MGAM2: variants seen among roughly 807,000 people sequenced by gnomAD.
MGAM2 encodes probable maltase-glucoamylase 2.
MGAM2 carries 98 observed loss-of-function variants against 96.1 expected under a neutral mutation model. That is an observed-to-expected ratio of 1.02 (90% CI 0.87 to 1.21). MGAM2 has a LOEUF of 1.21. Among genes scored for constraint, MGAM2 ranks in the 50% most tolerant of loss-of-function variants. The pLI is 0.00. For synonymous variants in MGAM2, 749 were observed against 414.8 expected, an observed-to-expected ratio of 1.81 and a Z score of -9.79; for missense variants, 2,055 against 1,182.4, an observed-to-expected ratio of 1.74 and a Z score of -10.82.
chr7:142,193,627 G>A (rs1366892136), intron 37 of MGAM2, among the ~76,000 whole-genome samples: 1 of 152,152 alleles, frequency 6.6e-6, no homozygotes, highest in Non-Finnish European at 1.5e-5. Flanking sequence ...GTGTGCTTTT[G>A]CTAGTTTCTC....
chr7:142,162,240 T>C (rs1330259970), intron 23 of MGAM2, among the ~76,000 whole-genome samples: 1 of 152,054 alleles, frequency 6.6e-6, no homozygotes, highest in Admixed American at 6.6e-5. Context: ...AAAAAAACAT[T>C]ACCTTTGAGT....
At position 142,134,149 on chromosome 7, in the gene MGAM2, C is replaced by T. The variant is rs1305785718; in HGVS notation, c.744C>T (p.Thr248=). ...TCTTCACCCGGGACGCTACCCCCAC[C>T]GAGGTGAGGTGGCTTTCCTCCTGAG... The part of the protein sequence containing the change: ...WPIFTRDATP[T]EGMINLYGAH... Residue 248 remains threonine (T), a synonymous_variant, in exon 7 of 48, where the codon ACC becomes ACT. Transcript: ENST00000477922. 1.2e-5 allele frequency: 9 copies of T among 740,962 alleles called. No homozygotes were observed. The highest frequency in any genetic ancestry group is 2.5e-5 in the East Asian group (1 of 40,122). The allele number at this position is 740,962 out of a possible 1,614,324, so 45.9% of individuals were successfully genotyped here. A position where few individuals can be genotyped will look rare whatever the true frequency, so the allele number is the denominator to read the frequency against.
rs971804741 is a variant in MGAM2, at chr7:142,222,088, A to G, written c.*29A>G. On this transcript the variant is annotated 3_prime_UTR_variant, in exon 48 of 48. Transcript: ENST00000477922. ...CTACTCAAGGCAGGATAGTTACCTC[A>G]GATAACGCCTACAAACAACTATTAC... The G allele has an allele frequency of 7.5e-6, 3 of 397,966 alleles. No homozygotes were observed. The highest frequency in any genetic ancestry group is 1.3e-5 in the Non-Finnish European group (3 of 225,652). The allele number at this position is 397,966 out of a possible 1,614,324, so 24.7% of individuals were successfully genotyped here.
chr7:142,171,121 G>A, intron 27 of MGAM2, 151 bp from the exon 28 acceptor site: 1 of 681,446 alleles, frequency 1.5e-6, no homozygotes. Context: ...CAGGGCCATT[G>A]TTATGACCTG....
intron 46 of MGAM2, among the ~76,000 whole-genome samples, chr7:142,213,908 A>G (rs970920088): frequency 6.6e-6 from 1 of 152,206 alleles, no homozygotes; most frequent in African/African-American, 2.4e-5. Context: ...TCAATGCAAA[A>G]GTCCTCCATA....
At chr7:142,156,050 C>A (rs942583080) in intron 17 of MGAM2, among the ~76,000 whole-genome samples, 6 of 151,894 alleles carry the variant, frequency 4.0e-5, no homozygotes, top group African/African-American at 1.5e-4. Flanking sequence ...GAGGCTGAGG[C>A]AGGAGAATCT....
At chr7:142,199,842 A>G in intron 44 of MGAM2, 38 bp from the exon 45 acceptor site, 1 of 667,024 alleles carries the variant, frequency 1.5e-6, no homozygotes, top group Non-Finnish European at 2.7e-6. Flanking sequence ...ACAACCTACA[A>G]TCTAGAGAAA....
At chr7:142,140,959 T>C (rs775935303) in intron 11 of MGAM2, 26 bp downstream of exon 11, 9 of 696,980 alleles carry the variant, frequency 1.3e-5, no homozygotes, top group Admixed American at 6.1e-5. Context: ...TGTTACCTTA[T>C]TTTTTCCTTT....
At chr7:142,212,910 C>T (rs1270731948) in intron 46 of MGAM2, among the ~76,000 whole-genome samples, 1 of 152,084 alleles carries the variant, frequency 6.6e-6, no homozygotes, top group South Asian at 2.1e-4. Flanking sequence ...AGCACTTATT[C>T]GAAAATCAAC....
chr7:142,126,349 G>C (rs537502416), intron 3 of MGAM2, among the ~76,000 whole-genome samples: 2 of 151,616 alleles, frequency 1.3e-5, no homozygotes, highest in Non-Finnish European at 2.9e-5. Context: ...TGTTTATTTG[G>C]ACTGTCCTTT....
At chr7:142,144,367 AAAGAAT>A (rs1276305455) in intron 13 of MGAM2, among the ~76,000 whole-genome samples, 1 of 152,234 alleles carries the variant, frequency 6.6e-6, no homozygotes, top group Non-Finnish European at 1.5e-5. Context: ...GTGCAATGAT[AAAGAAT>A]ATTTGTTTGT....
rs937971351 is a variant in MGAM2 at position 142,132,893 on chromosome 7, CAT to C, written c.575+811_575+812del. 1.1e-3 allele frequency among the ~76,000 whole-genome samples: 140 copies of C among 127,016 alleles called. No individual in the cohort carries two copies. The East Asian group carries it at 0.027, about 25-fold the overall frequency. 83.3% of individuals were successfully genotyped at this position (127,016 alleles called of 152,430 possible). ...ATTAAATATAATATATAATATATAA[CAT>C]ATGTATTTAATATACAAATATGTCA... On this transcript the variant is annotated intron_variant, in intron 6 of 47. Transcript: ENST00000477922.
intron 14 of MGAM2, among the ~76,000 whole-genome samples, chr7:142,146,341 A>T (rs1230520514): frequency 6.6e-6 from 1 of 152,080 alleles, no homozygotes; most frequent in Non-Finnish European, 1.5e-5. Flanking sequence ...AATTAGCATG[A>T]GAAAGAGCAC....
chr7:142,158,451 A>G lies in MGAM2; in HGVS notation c.2163+119A>G, dbSNP rs1795799315. ...ATATCAAAATATGAATATAAATGAG[A>G]GAGCTCATGAAAGTTTAGAAATTTT... On this transcript the variant is annotated intron_variant, in intron 19 of 47. Transcript: ENST00000477922. 18 of 590,076 alleles carry G rather than the reference A, an allele frequency of 3.1e-5. No individual in the cohort carries two copies. In the South Asian group the frequency reaches 4.0e-4, roughly 13 times the overall value. The allele number at this position is 590,076 out of a possible 1,614,324, so 36.6% of individuals were successfully genotyped here.
rs147516686 is a variant in MGAM2 at position 142,170,910 on chromosome 7, G to C, written c.3183-362G>C. ...CAACTCAAGAGAAGTTGTTCTAAGA[G>C]TTTCATGCTTTTCTATTGGAAAGTT... is the stretch of plus-strand genomic sequence containing the variant. On this transcript the variant is annotated intron_variant, in intron 27 of 47. Coordinates refer to ENST00000477922, the MANE Select transcript of MGAM2 (RefSeq NM_001293626.2). 5.0e-3 allele frequency among the ~76,000 whole-genome samples: 761 copies of C among 152,286 alleles called. 9 individuals carry two copies. Among genetic ancestry groups the C allele is most frequent in the African/African-American group, 0.017 (723 of 41,560 alleles).
intron 6 of MGAM2, 89 bp from the exon 7 acceptor site, chr7:142,133,892 C>T (rs1165777707): frequency 2.5e-5 from 15 of 595,108 alleles, no homozygotes; most frequent in Non-Finnish European, 4.3e-5. Context: ...CAACAGAGGT[C>T]TAAGTGTATG....
chr7:142,178,875 G>T (rs1235748709), intron 32 of MGAM2, among the ~76,000 whole-genome samples: 1 of 152,016 alleles, frequency 6.6e-6, no homozygotes, highest in African/African-American at 2.4e-5. Flanking sequence ...CCATTGTAAT[G>T]ATGTTAATTC....
chr7:142,123,139 A>G (rs749292040), intron 3 of MGAM2, among the ~76,000 whole-genome samples: 52 of 151,612 alleles, frequency 3.4e-4, no homozygotes, highest in Non-Finnish European at 5.9e-4. Context: ...TATTTTTATG[A>G]GATTTAGCCT....
At chr7:142,181,045 A>G (rs1008326000) in intron 32 of MGAM2, among the ~76,000 whole-genome samples, 4 of 152,184 alleles carry the variant, frequency 2.6e-5, no homozygotes, top group Admixed American at 2.6e-4. Context: ...CACTTAGGCC[A>G]CTTCAGTCTG....
Sources: gnomAD v4.1 joint callset for allele counts (sites outside exome capture counted in the v4.1 genomes callset) on GRCh38, gnomAD v4.1.1 for gene constraint, MANE v1.5 for transcripts, NCBI Gene and HGNC (gene_info 2026-07-23, HGNC 2026-07-21) for gene names.